The following UNC79 variants were observed in gnomAD, a reference collection of about 807,000 sequenced individuals.
UNC79 encodes protein unc-79 homolog.
A neutral mutation model predicts 283.1 loss-of-function variants in UNC79; 37 were observed. That is an observed-to-expected ratio of 0.13 (90% CI 0.10 to 0.17). The LOEUF is 0.17. Ranked by LOEUF, UNC79 falls within the 10% of genes least tolerant of loss-of-function variation. The probability of loss-of-function intolerance (pLI) is 1.00; values close to 1 mark genes in which losing one functional copy is unlikely to be tolerated. For synonymous variants in UNC79, 1,107 were observed against 1,200.2 expected (o/e 0.92, Z 1.61); for missense variants, 2,272 against 3,211.1 (o/e 0.71, Z 7.07).
intron 12 of UNC79, among the ~76,000 whole-genome samples, chr14:93,539,877 A>C (rs1212800658): frequency 6.6e-6 from 1 of 152,236 alleles, no homozygotes; most frequent in Non-Finnish European, 1.5e-5. Flanking sequence ...TAGTGGATAT[A>C]ATATTAATCT....
At chr14:93,560,558 A>G (rs1449552294) in intron 14 of UNC79, among the ~76,000 whole-genome samples, 1 of 152,136 alleles carries the variant, frequency 6.6e-6, no homozygotes, top group African/African-American at 2.4e-5. Flanking sequence ...GTGGAGGCAG[A>G]AAGTCGTAAA....
chr14:93,356,929 GT>G (rs1203982311), intron 1 of UNC79, among the ~76,000 whole-genome samples: 1 of 152,154 alleles, frequency 6.6e-6, no homozygotes, highest in Non-Finnish European at 1.5e-5. Context: ...ATGTCGTGAG[GT>G]TTGGGTATAC....
At chr14:93,640,745 G>A (rs564172778) in intron 32 of UNC79, among the ~76,000 whole-genome samples, 13 of 152,298 alleles carry the variant, frequency 8.5e-5, no homozygotes, top group Admixed American at 7.2e-4. Context: ...GTTGATATGC[G>A]TTTGTGATTT....
At chr14:93,410,154 G>A (rs2055305820) in intron 1 of UNC79, among the ~76,000 whole-genome samples, 1 of 152,230 alleles carries the variant, frequency 6.6e-6, no homozygotes, top group South Asian at 2.1e-4. Context: ...ACTTGGGAGT[G>A]GGTGAGTGCA....
chr14:93,336,958 ATGG>A (rs536097568), intron 1 of UNC79, among the ~76,000 whole-genome samples: 153 of 152,218 alleles, frequency 1.0e-3, no homozygotes, highest in Non-Finnish European at 1.7e-3. Context: ...TCCCCTTGTG[ATGG>A]TGGTGGGAGG....
chr14:93,485,315 AG>A (rs1280604133), intron 4 of UNC79, among the ~76,000 whole-genome samples: 8 of 151,590 alleles, frequency 5.3e-5, no homozygotes, highest in African/African-American at 1.7e-4. Context: ...TTTTTAACAA[AG>A]GGCACAGGGT....
chr14:93,372,647 A>G (rs1001203521), intron 1 of UNC79, among the ~76,000 whole-genome samples: 1 of 152,240 alleles, frequency 6.6e-6, no homozygotes, highest in Non-Finnish European at 1.5e-5. Context: ...GCACCTAACA[A>G]CAAAGGATCA....
chr14:93,387,681 T>A (rs1197208890), intron 1 of UNC79, among the ~76,000 whole-genome samples: 1 of 152,240 alleles, frequency 6.6e-6, no homozygotes, highest in African/African-American at 2.4e-5. Context: ...TTGAGAATGA[T>A]CCATATGCTG....
At chr14:93,703,536 C>G (rs1368834281) in intron 47 of UNC79, among the ~76,000 whole-genome samples, 1 of 152,252 alleles carries the variant, frequency 6.6e-6, no homozygotes, top group East Asian at 1.9e-4. Flanking sequence ...AGGGGCTCAC[C>G]CTACTCAAGT....
At chr14:93,361,242 GAAAA>G (rs2054219129) in intron 1 of UNC79, among the ~76,000 whole-genome samples, 11 of 119,728 alleles carry the variant, frequency 9.2e-5, no homozygotes, top group Admixed American at 6.1e-4. Flanking sequence ...AAAAAGAAAA[GAAAA>G]GAAAAGAAAA....
chr14:93,624,916 C>T (rs1406534474), intron 30 of UNC79, among the ~76,000 whole-genome samples: 1 of 152,126 alleles, frequency 6.6e-6, no homozygotes, highest in Non-Finnish European at 1.5e-5. Context: ...TGCCAGGAGT[C>T]CAGGACTAAC....
chr14:93,452,707 C>T (rs925368530), intron 1 of UNC79, among the ~76,000 whole-genome samples: 1 of 151,974 alleles, frequency 6.6e-6, no homozygotes, highest in African/African-American at 2.4e-5. Context: ...AAATTGATAA[C>T]AATTTTCTCA....
chr14:93,375,580 G>C (rs1476482349), intron 1 of UNC79, among the ~76,000 whole-genome samples: 1 of 152,138 alleles, frequency 6.6e-6, no homozygotes. Context: ...TCTGCAGGCT[G>C]TACAGGAAGC....
At chr14:93,594,651 G>A (rs1160209595) in intron 23 of UNC79, among the ~76,000 whole-genome samples, 1 of 152,172 alleles carries the variant, frequency 6.6e-6, no homozygotes, top group Non-Finnish European at 1.5e-5. Flanking sequence ...CAAGTCTGGT[G>A]CAGCTTGGGT....
intron 1 of UNC79, among the ~76,000 whole-genome samples, chr14:93,423,082 A>G (rs2055639445): frequency 6.8e-6 from 1 of 146,812 alleles, no homozygotes; most frequent in Admixed American, 6.8e-5. Flanking sequence ...AAAAAAAAAA[A>G]AAAAAAAAAG....
At chr14:93,339,895 G>A (rs575118568) in intron 1 of UNC79, among the ~76,000 whole-genome samples, 1 of 152,350 alleles carries the variant, frequency 6.6e-6, no homozygotes, top group South Asian at 2.1e-4. Flanking sequence ...CTGACTTGTG[G>A]ATTGGCTTGA....
At chr14:93,523,282 A>C (rs1225160812) in intron 7 of UNC79, among the ~76,000 whole-genome samples, 1 of 152,160 alleles carries the variant, frequency 6.6e-6, no homozygotes, top group Non-Finnish European at 1.5e-5. Context: ...GGGTATTAGC[A>C]GACTAGCAGA....
Position 93,336,957 on chromosome 14 carries a change from G to A in UNC79, c.-351+3434G>A, listed in dbSNP as rs574780284. 7.2e-5 allele frequency among the ~76,000 whole-genome samples: 11 copies of A among 152,298 alleles called. No individual in the cohort carries two copies. The South Asian group carries it at 2.3e-3, about 32-fold the overall frequency. ...GAATGGCTTCACACTATCCCCTTGT[G>A]ATGGTGGTGGGAGGCAGACAGGTTC... On this transcript the variant is annotated intron_variant, in intron 1 of 49. Coordinates refer to the UNC79 transcript ENST00000256339.
chr14:93,612,581 G>T (rs2066388478), intron 26 of UNC79, among the ~76,000 whole-genome samples: 1 of 152,086 alleles, frequency 6.6e-6, no homozygotes, highest in Admixed American at 6.5e-5. Context: ...AATTCTCCCA[G>T]ATTACTTGGT....
Sources: gnomAD v4.1 joint callset for allele counts (sites outside exome capture counted in the v4.1 genomes callset) on GRCh38, gnomAD v4.1.1 for gene constraint, MANE v1.5 for transcripts, NCBI Gene and HGNC (gene_info 2026-07-23, HGNC 2026-07-21) for gene names.